Variants in FMN1 observed in about 807,000 individuals in gnomAD.
FMN1 encodes the protein formin 1.
A neutral mutation model predicts 132.4 loss-of-function variants in FMN1; 110 were observed. The observed-to-expected ratio is 0.83, with a 90% confidence interval of 0.71 to 0.97. The LOEUF (loss-of-function observed/expected upper bound fraction) is 0.97. FMN1 is among the 50% of genes least tolerant of loss of function. The pLI, the probability that FMN1 is intolerant of heterozygous loss-of-function variation, is 0.00. For synonymous variants in FMN1, 722 were observed against 651.7 expected, an observed-to-expected ratio of 1.11 and a Z score of -1.64; for missense variants, 1,792 against 1,705.3, an observed-to-expected ratio of 1.05 and a Z score of -0.90.
intron 9 of FMN1, among the ~76,000 whole-genome samples, chr15:32,956,956 T>C (rs2061782905): frequency 6.6e-6 from 1 of 152,176 alleles, no homozygotes; most frequent in South Asian, 2.1e-4. Context: ...CTTGCCAAAG[T>C]GACCAAATTA....
chr15:32,775,097 C>G (rs1207252092), intron 20 of FMN1, among the ~76,000 whole-genome samples: 2 of 152,138 alleles, frequency 1.3e-5, no homozygotes, highest in Non-Finnish European at 2.9e-5. Context: ...GAAGTATACT[C>G]TTTTGGAATG....
At chr15:32,891,153 T>C (rs1342320281) in intron 15 of FMN1, among the ~76,000 whole-genome samples, 2 of 152,216 alleles carry the variant, frequency 1.3e-5, no homozygotes, top group African/African-American at 4.8e-5. Context: ...GGCCTTATAG[T>C]ATAGTTTGAA....
chr15:33,165,179 T>G (rs1965047892), intron 3 of FMN1, among the ~76,000 whole-genome samples: 1 of 152,238 alleles, frequency 6.6e-6, no homozygotes. Flanking sequence ...TACATTTTAC[T>G]TTGTAGTTAG....
At chr15:33,103,474 A>G (rs567688126) in intron 4 of FMN1, among the ~76,000 whole-genome samples, 109 of 152,146 alleles carry the variant, frequency 7.2e-4, no homozygotes, top group Non-Finnish European at 1.4e-3. Flanking sequence ...CTCTCTGCTC[A>G]GTGCTGAATT....
Position 32,908,526 on chromosome 15 carries a change from T to A in FMN1, c.3341A>T (p.Lys1114Ile), listed in dbSNP as rs756376877. The A allele has an allele frequency of 1.9e-6, 3 of 1,612,796 alleles. No individual in the cohort carries two copies. Among genetic ancestry groups the A allele is most frequent in the Non-Finnish European group, 1.7e-6 (2 of 1,179,196 alleles). Residue 1114 changes from lysine (K) to isoleucine (I), a missense_variant, in exon 12 of 21, where the codon AAA becomes ATA. Transcript: ENST00000616417. ...VKIRKYYETS[K>I]EEELKLLDKP... ...ATCCAGCAGCTTCAGTTCTTCTTCT[T>A]TGGATGTCTCGTAATACTTTCTTAT...
intron 6 of FMN1, among the ~76,000 whole-genome samples, chr15:33,033,541 A>C (rs566507099): frequency 6.6e-6 from 1 of 152,150 alleles, no homozygotes; most frequent in South Asian, 2.1e-4. Context: ...CCCTCTTCCT[A>C]CATCAAATTT....
chr15:32,835,060 T>C (rs1258570082), intron 17 of FMN1, among the ~76,000 whole-genome samples: 2 of 152,194 alleles, frequency 1.3e-5, no homozygotes, highest in Non-Finnish European at 2.9e-5. Flanking sequence ...TTGGGTTTGT[T>C]TGGAAGCAGA....
intron 4 of FMN1, among the ~76,000 whole-genome samples, chr15:33,091,619 G>C (rs948135477): frequency 3.3e-5 from 5 of 152,268 alleles, no homozygotes; most frequent in African/African-American, 1.2e-4. Flanking sequence ...TCAAAAGTCT[G>C]ACAAAGTAGG....
chr15:33,085,781 A>G (rs796962556), intron 5 of FMN1, among the ~76,000 whole-genome samples: 99 of 152,300 alleles, frequency 6.5e-4, no homozygotes, highest in African/African-American at 2.4e-3. Flanking sequence ...TAGTCACGCT[A>G]TTTTATTTCT....
intron 7 of FMN1, among the ~76,000 whole-genome samples, chr15:32,982,211 A>AGGAGGAGGGAGGAGAG: frequency 6.6e-6 from 1 of 152,314 alleles, no homozygotes; most frequent in South Asian, 2.1e-4. Context: ...CACGCCTATT[A>AGGAGGAGGGAGGAGAG]GGAGGAGGGA....
intron 16 of FMN1, among the ~76,000 whole-genome samples, chr15:32,860,183 GAGGAAGGA>G (rs10552498): frequency 4.1e-5 from 6 of 146,242 alleles, no homozygotes; most frequent in East Asian, 4.0e-4. Flanking sequence ...AAAGAAAAGG[GAGGAAGGA>G]AGGAAGGAAG....
intron 6 of FMN1, among the ~76,000 whole-genome samples, chr15:33,030,381 C>A (rs953825278): frequency 4.6e-5 from 7 of 152,202 alleles, no homozygotes; most frequent in African/African-American, 1.7e-4. Context: ...TCTTGAAAGT[C>A]ACATAATGTA....
intron 12 of FMN1, among the ~76,000 whole-genome samples, chr15:32,902,755 T>C (rs1020558): frequency 0.24 from 37,218 of 152,022 alleles, 4,829 homozygotes; most frequent in Non-Finnish European, 0.29. Context: ...GTCTGAGTGG[T>C]TGGGCACTTG....
intron 3 of FMN1, among the ~76,000 whole-genome samples, chr15:33,163,329 T>C (rs1266955979): frequency 1.3e-5 from 2 of 151,254 alleles, no homozygotes; most frequent in African/African-American, 4.8e-5. Context: ...AGTTTCGCTC[T>C]CGTTGCCCAG....
At chr15:33,101,771 C>G (rs971677588) in intron 4 of FMN1, among the ~76,000 whole-genome samples, 16 of 152,130 alleles carry the variant, frequency 1.1e-4, no homozygotes, top group African/African-American at 3.4e-4. Flanking sequence ...CCTTCAACAA[C>G]TTCTTGTTGC....
chr15:32,918,575 T>C (rs1179294179), intron 10 of FMN1, among the ~76,000 whole-genome samples: 1 of 152,200 alleles, frequency 6.6e-6, no homozygotes, highest in Non-Finnish European at 1.5e-5. Context: ...ATGCCTCAAG[T>C]TGCCCAAGGT....
At chr15:33,185,975 A>T (rs1038020312) in intron 2 of FMN1, among the ~76,000 whole-genome samples, 1 of 152,164 alleles carries the variant, frequency 6.6e-6, no homozygotes, top group African/African-American at 2.4e-5. Context: ...AATAATAGTC[A>T]TAGGGAAAAT....
At chr15:33,126,991 C>T (rs902090204) in intron 4 of FMN1, among the ~76,000 whole-genome samples, 1 of 152,184 alleles carries the variant, frequency 6.6e-6, no homozygotes, top group East Asian at 1.9e-4. Flanking sequence ...TTGCAAGATG[C>T]TGTCATGACT....
chr15:32,887,009 C>T (rs1246011228), intron 16 of FMN1, among the ~76,000 whole-genome samples: 3 of 149,452 alleles, frequency 2.0e-5, no homozygotes, highest in Non-Finnish European at 4.4e-5. Context: ...AAAAAAAACC[C>T]ACGTTCCTTT....
Sources: allele counts gnomAD v4.1 joint callset (sites outside exome capture counted in the v4.1 genomes callset), GRCh38; gene constraint gnomAD v4.1.1; transcripts MANE v1.5; gene names NCBI Gene and HGNC (gene_info 2026-07-23, HGNC 2026-07-21).